The following DHRSX variants were observed in gnomAD, a reference collection of about 807,000 sequenced individuals.
The protein encoded by DHRSX is dehydrogenase/reductase X-linked.
In DHRSX, 31 loss-of-function variants were observed where a neutral mutation model predicts 34.0. The observed-to-expected ratio is 0.91, with a 90% CI of 0.69 to 1.23. The LOEUF is 1.23. DHRSX is among the 50% of genes most tolerant of loss of function. The pLI, the probability that DHRSX is intolerant of heterozygous loss-of-function variation, is 0.00. For missense variants in DHRSX, 414 were observed against 428.1 expected (o/e 0.97, Z 0.29); for synonymous variants, 201 against 183.8 (o/e 1.09, Z -0.76).
chrX:2,329,919 C>A (rs2042436088), intron 3 of DHRSX, among the ~76,000 whole-genome samples: 2 of 151,888 alleles, frequency 1.3e-5, no homozygotes, highest in South Asian at 4.2e-4. Flanking sequence ...CTTGCTTAGA[C>A]CATGGGTATG....
At chrX:2,275,596 G>A (rs186568016) in intron 4 of DHRSX, among the ~76,000 whole-genome samples, 2 of 150,962 alleles carry the variant, frequency 1.3e-5, no homozygotes, top group Non-Finnish European at 2.9e-5. Flanking sequence ...TCAGGTAACC[G>A]CCTCCCACAT....
At chrX:2,348,788 G>C (rs1427850073) in intron 3 of DHRSX, among the ~76,000 whole-genome samples, 3 of 151,862 alleles carry the variant, frequency 2.0e-5, no homozygotes, top group African/African-American at 4.8e-5. Flanking sequence ...CCGCCTCCCA[G>C]GTTCAAGGTA....
chrX:2,468,979 G>A (rs2044544187), intron 1 of DHRSX, among the ~76,000 whole-genome samples: 1 of 152,128 alleles, frequency 6.6e-6, no homozygotes, highest in African/African-American at 2.4e-5. Context: ...ACACACTGAA[G>A]ACGTTCCCTA....
At chrX:2,276,384 A>G (rs1282811665) in intron 4 of DHRSX, among the ~76,000 whole-genome samples, 1 of 152,236 alleles carries the variant, frequency 6.6e-6, no homozygotes, top group Non-Finnish European at 1.5e-5. Flanking sequence ...GGTGGAGAAT[A>G]CACAATAGAA....
chrX:2,432,782 G>A (rs1464880736), intron 1 of DHRSX, among the ~76,000 whole-genome samples: 4 of 152,130 alleles, frequency 2.6e-5, no homozygotes, highest in South Asian at 4.1e-4. Context: ...CTTCCTAAAC[G>A]AAAATTCAGA....
chrX:2,383,806 G>A (rs1402958165), intron 3 of DHRSX, among the ~76,000 whole-genome samples: 9 of 152,220 alleles, frequency 5.9e-5, no homozygotes, highest in Non-Finnish European at 1.3e-4. Context: ...CTGCTTTACA[G>A]CATGCTATAA....
intron 4 of DHRSX, among the ~76,000 whole-genome samples, chrX:2,285,921 T>C (rs1296416354): frequency 2.6e-5 from 4 of 152,066 alleles, no homozygotes; most frequent in Admixed American, 2.0e-4. Context: ...ATTCTCAGCG[T>C]TGACTGTATA....
intron 3 of DHRSX, among the ~76,000 whole-genome samples, chrX:2,302,019 C>T (rs2042017469): frequency 6.6e-6 from 1 of 152,096 alleles, no homozygotes; most frequent in Non-Finnish European, 1.5e-5. Context: ...TCCGATATCA[C>T]AAGAACTGGC....
At chrX:2,233,715 A>G (rs73626175) in intron 6 of DHRSX, among the ~76,000 whole-genome samples, 4,140 of 152,174 alleles carry the variant, frequency 0.027, 212 homozygotes, top group African/African-American at 0.094. Context: ...CCTGCTGCCC[A>G]GGAGCTTCCA....
At chrX:2,377,981 G>A (rs1364819898) in intron 3 of DHRSX, among the ~76,000 whole-genome samples, 3 of 152,108 alleles carry the variant, frequency 2.0e-5, no homozygotes, top group African/African-American at 7.2e-5. Context: ...CTCGTGATCC[G>A]CCTGCCTCGG....
intron 5 of DHRSX, among the ~76,000 whole-genome samples, chrX:2,248,825 C>T (rs1290767770): frequency 1.3e-5 from 2 of 152,212 alleles, no homozygotes; most frequent in East Asian, 3.9e-4. Context: ...AGCCTTAGAT[C>T]ACACCCTCTT....
chrX:2,496,700 T>C (rs755109340), intron 1 of DHRSX, among the ~76,000 whole-genome samples: 9 of 152,114 alleles, frequency 5.9e-5, no homozygotes, highest in Admixed American at 2.0e-4. Flanking sequence ...TAGCGGGTGA[T>C]AGATATTAGT....
intron 1 of DHRSX, 31 bp from the exon 2 acceptor site, chrX:2,425,335 T>C (rs1265346284): frequency 6.4e-7 from 1 of 1,571,566 alleles, no homozygotes; most frequent in Admixed American, 1.7e-5. Flanking sequence ...ATCATCAAAC[T>C]AAGATTTGAA....
At position 2,243,242 on chromosome X, in the gene DHRSX, GC is replaced by G; in HGVS notation, c.597-13del. 6.2e-7 allele frequency: 1 copy of G among 1,611,778 alleles called. No individual in the cohort carries two copies. Among genetic ancestry groups the G allele is most frequent in the Non-Finnish European group, 8.5e-7 (1 of 1,178,962 alleles). ...GTGAGTAGCAGGCACTGTGGGGCAA[GC>G]AGGAGAAGGTGTAAGAGGCTGACGG... On this transcript the variant is annotated splice_polypyrimidine_tract_variant and intron_variant, in intron 5 of 6. Coordinates refer to ENST00000334651, the MANE Select transcript of DHRSX (RefSeq NM_145177.3).
chrX:2,490,334 G>A (rs1451031733), intron 1 of DHRSX: 2 of 1,613,044 alleles, frequency 1.2e-6, no homozygotes, highest in Non-Finnish European at 1.7e-6. Context: ...GCCCAGCACG[G>A]CGGCCGTCAG....
At chrX:2,303,663 G>A (rs1243484326) in intron 3 of DHRSX, among the ~76,000 whole-genome samples, 1 of 152,160 alleles carries the variant, frequency 6.6e-6, no homozygotes, top group Non-Finnish European at 1.5e-5. Flanking sequence ...GACTAATACA[G>A]ATGGATGCAT....
chrX:2,445,548 C>G (rs1262615042), intron 1 of DHRSX, among the ~76,000 whole-genome samples: 2 of 152,036 alleles, frequency 1.3e-5, no homozygotes, highest in East Asian at 1.9e-4. Context: ...CCCAAGGGAC[C>G]GCTGCCGTGG....
intron 3 of DHRSX, among the ~76,000 whole-genome samples, chrX:2,321,117 A>C (rs925222687): frequency 3.3e-5 from 5 of 152,112 alleles, no homozygotes; most frequent in Non-Finnish European, 7.4e-5. Flanking sequence ...GTGGCTGTCC[A>C]TTGAGAGAGC....
intron 3 of DHRSX, among the ~76,000 whole-genome samples, chrX:2,328,092 A>G (rs1422032757): frequency 2.6e-5 from 4 of 151,174 alleles, no homozygotes; most frequent in Non-Finnish European, 3.0e-5. Context: ...AAAAAAAAAG[A>G]GGAGGAGATG....
Sources: allele counts gnomAD v4.1 joint callset (sites outside exome capture counted in the v4.1 genomes callset), GRCh38; gene constraint gnomAD v4.1.1; transcripts MANE v1.5; gene names NCBI Gene and HGNC (gene_info 2026-07-23, HGNC 2026-07-21).